The following USP37 variants were observed in gnomAD, a reference collection of about 807,000 sequenced individuals.
USP37 encodes ubiquitin carboxyl-terminal hydrolase 37.
A neutral mutation model predicts 124.0 loss-of-function variants in USP37; 27 were observed. That is an observed-to-expected ratio of 0.22 (90% CI 0.16 to 0.30). USP37 has a LOEUF of 0.30. Ranked by LOEUF, USP37 falls within the 10% of genes least tolerant of loss-of-function variation. The pLI is 1.00. For synonymous variants in USP37, 365 were observed against 388.0 expected, an observed-to-expected ratio of 0.94 and a Z score of 0.70; for missense variants, 889 against 1,140.4, an observed-to-expected ratio of 0.78 and a Z score of 3.17.
chr2:218,506,529 G>A (rs747219106), intron 11 of USP37, among the ~76,000 whole-genome samples: 2 of 150,380 alleles, frequency 1.3e-5, no homozygotes, highest in African/African-American at 4.9e-5. Context: ...GACCTCAGGC[G>A]ATCCATGCAC....
At chr2:218,536,017 CAAAAA>C (rs59248363) in intron 8 of USP37, among the ~76,000 whole-genome samples, 7 of 80,828 alleles carry the variant, frequency 8.7e-5, no homozygotes, top group Non-Finnish European at 1.4e-4. Flanking sequence ...GACTTCATCT[CAAAAA>C]AAAAAAAAAA....
At chr2:218,565,758 C>T (rs576300270) in intron 1 of USP37, among the ~76,000 whole-genome samples, 12 of 152,270 alleles carry the variant, frequency 7.9e-5, no homozygotes, top group African/African-American at 2.6e-4. Context: ...TATATAATTA[C>T]AAGTTCTGGG....
Position 218,558,585 on chromosome 2 carries a change from T to C in USP37, c.69A>G (p.Lys23=). The stretch of plus-strand genomic sequence containing the variant: ...TTTCTACAATTTCAAAGGATCCTTC[T>C]TTCCACTTTGTAATCCCAGTCTGCA... ...RSMQTGITKW[K]EGSFEIVEKE... The change falls in exon 4 of 26, where the codon AAA becomes AAG. Residue 23 remains lysine (K), a synonymous_variant. Coordinates refer to ENST00000258399, the MANE Select transcript of USP37 (RefSeq NM_020935.3). 6.2e-7 allele frequency: 1 copy of C among 1,613,652 alleles called. No homozygotes were observed. The highest frequency in any genetic ancestry group is 8.5e-7 in the Non-Finnish European group (1 of 1,179,824).
At chr2:218,514,679 A>G (rs934200122) in intron 10 of USP37, among the ~76,000 whole-genome samples, 7 of 152,210 alleles carry the variant, frequency 4.6e-5, no homozygotes, top group African/African-American at 1.7e-4. Flanking sequence ...GAGACTATGC[A>G]AATACCCTGT....
intron 1 of USP37, 122 bp from the exon 2 acceptor site, chr2:218,562,935 G>A (rs182807190): frequency 4.3e-5 from 16 of 375,330 alleles, no homozygotes; most frequent in East Asian, 2.6e-4. Flanking sequence ...AGGTGGAGGC[G>A]GGCAGATAAC....
At chr2:218,492,438 G>A (rs1296862039) in intron 14 of USP37, among the ~76,000 whole-genome samples, 1 of 152,148 alleles carries the variant, frequency 6.6e-6, no homozygotes, top group African/African-American at 2.4e-5. Context: ...GATTACATGA[G>A]GTTATACAAG....
At chr2:218,551,538 C>T (rs1170162275) in intron 5 of USP37, among the ~76,000 whole-genome samples, 1 of 152,168 alleles carries the variant, frequency 6.6e-6, no homozygotes, top group Non-Finnish European at 1.5e-5. Context: ...AAATAACAGG[C>T]AGAGCTAGAA....
At chr2:218,477,780 A>G (rs6730708) in intron 18 of USP37, among the ~76,000 whole-genome samples, 21,510 of 152,208 alleles carry the variant, frequency 0.14, 4,838 homozygotes, top group African/African-American at 0.48. Flanking sequence ...TTAAGAATGT[A>G]AGGAACAGTG....
intron 5 of USP37, among the ~76,000 whole-genome samples, chr2:218,552,117 T>C (rs1401471885): frequency 1.3e-5 from 2 of 152,162 alleles, no homozygotes; most frequent in East Asian, 1.9e-4. Context: ...TAAAATTCAA[T>C]AGTTTAGTAA....
intron 20 of USP37, 69 bp downstream of exon 20, chr2:218,474,561 A>T: frequency 1.9e-6 from 3 of 1,576,458 alleles, no homozygotes; most frequent in Non-Finnish European, 2.6e-6. Flanking sequence ...TTTGGAGGTT[A>T]TTTGTCACTA....
intron 8 of USP37, among the ~76,000 whole-genome samples, chr2:218,544,407 ATAT>A (rs1280347743): frequency 1.6e-4 from 12 of 75,652 alleles, no homozygotes; most frequent in African/African-American, 5.0e-4. Context: ...AAAAAAAAAA[ATAT>A]ATATATATAT....
rs986275116 is a variant in USP37 at position 218,451,806 on chromosome 2, C to T, written c.*3124G>A. On this transcript the variant is annotated 3_prime_UTR_variant, in exon 26 of 26. Transcript: ENST00000258399. ...ATGTCTTAAAATGTAAACATATTTA[C>T]ATTTGTTGTATTTGTTATTGAGCCT... 1 of 152,614 alleles carries T rather than the reference C, an allele frequency of 6.6e-6. No homozygotes were observed. The highest frequency in any genetic ancestry group is 1.5e-5 in the Non-Finnish European group (1 of 68,034). The allele number at this position is 152,614 out of a possible 1,614,324, so 9.5% of individuals were successfully genotyped here. A position where few individuals can be genotyped will look rare whatever the true frequency, so the allele number is the denominator to read the frequency against.
At position 218,474,690 on chromosome 2, in the gene USP37, C is replaced by T; in HGVS notation, c.2239G>A (p.Glu747Lys). Reference protein sequence around the residue: ...DTGFAEDDIQEMPENPDTMET... With the variant: ...DTGFAEDDIQKMPENPDTMET... The stretch of plus-strand genomic sequence containing the variant: ...ATAGTGTCTGGATTTTCTGGCATTT[C>T]TTGAATATCATCTTCTGCAAATCCG... The change falls in exon 20 of 26, where the codon GAA (glutamate) becomes AAA (lysine). Residue 747 changes from glutamate to lysine, a missense_variant. This residue lies in a region of USP37 where 504 missense variants were observed against 714.3 expected (regional missense o/e 0.71). Transcript: ENST00000258399. 1 of 1,614,144 alleles carries T rather than the reference C, an allele frequency of 6.2e-7. No homozygotes were observed. The highest frequency in any genetic ancestry group is 8.5e-7 in the Non-Finnish European group (1 of 1,180,024).
chr2:218,536,349 AT>A, intron 8 of USP37, among the ~76,000 whole-genome samples: 1 of 152,128 alleles, frequency 6.6e-6, no homozygotes, highest in Non-Finnish European at 1.5e-5. Flanking sequence ...CCACTGACTC[AT>A]TTTTATATTC....
At chr2:218,494,432 CA>C (rs1177778004) in intron 14 of USP37, among the ~76,000 whole-genome samples, 1 of 151,814 alleles carries the variant, frequency 6.6e-6, no homozygotes, top group African/African-American at 2.4e-5. Context: ...GCAAAAGTAA[CA>C]AAAAGTGTTA....
At chr2:218,507,237 G>A (rs190559552) in intron 11 of USP37, among the ~76,000 whole-genome samples, 1 of 152,032 alleles carries the variant, frequency 6.6e-6, no homozygotes, top group African/African-American at 2.4e-5. Flanking sequence ...TCGGCTCACT[G>A]CACTCTGCCT....
chr2:218,500,957 CGCCTAGCCA>C (rs1689346522), intron 11 of USP37: 1 of 165,988 alleles, frequency 6.0e-6, no homozygotes. Flanking sequence ...AGGGGATACC[CGCCTAGCCA>C]GTCAGATCAG....
chr2:218,519,037 G>A (rs901870501), intron 10 of USP37, among the ~76,000 whole-genome samples: 2 of 152,194 alleles, frequency 1.3e-5, no homozygotes, highest in African/African-American at 2.4e-5. Flanking sequence ...TAAGTGGTCT[G>A]ACTAAAAAAT....
intron 8 of USP37, among the ~76,000 whole-genome samples, chr2:218,535,892 C>T (rs1461803881): frequency 6.6e-6 from 1 of 151,106 alleles, no homozygotes; most frequent in African/African-American, 2.4e-5. Context: ...TGGCAGGCGT[C>T]TGTGATCCCA....
Sources: allele counts gnomAD v4.1 joint callset (sites outside exome capture counted in the v4.1 genomes callset), GRCh38; gene constraint gnomAD v4.1.1; regional missense constraint gnomAD v4.1.1; transcripts MANE v1.5; gene names NCBI Gene and HGNC (gene_info 2026-07-23, HGNC 2026-07-21).